CCDC175: variants seen among roughly 807,000 people sequenced by gnomAD.
CCDC175 encodes the protein coiled-coil domain-containing protein 175.
A neutral mutation model predicts 114.6 loss-of-function variants in CCDC175; 100 were observed. The observed-to-expected ratio is 0.87, with a 90% CI of 0.74 to 1.03. The LOEUF (loss-of-function observed/expected upper bound fraction) is 1.03. CCDC175 is among the 50% of genes least tolerant of loss of function. The pLI, the probability that CCDC175 is intolerant of heterozygous loss-of-function variation, is 0.00. For synonymous variants in CCDC175, 306 were observed against 308.7 expected (o/e 0.99, Z 0.09); for missense variants, 880 against 917.8 (o/e 0.96, Z 0.53).
intron 8 of CCDC175, among the ~76,000 whole-genome samples, chr14:59,549,948 G>A (rs1053023244): frequency 6.6e-6 from 1 of 151,478 alleles, no homozygotes; most frequent in Non-Finnish European, 1.5e-5. Context: ...CTCTTGCTCT[G>A]CCCCCAGGCT....
chr14:59,559,518 T>C (rs371892522), intron 7 of CCDC175, among the ~76,000 whole-genome samples: 27 of 152,192 alleles, frequency 1.8e-4, no homozygotes, highest in East Asian at 1.5e-3. Flanking sequence ...TGAAGGAAAA[T>C]GAAGGGTTAA....
intron 17 of CCDC175, among the ~76,000 whole-genome samples, chr14:59,513,180 G>A (rs369281528): frequency 2.3e-4 from 35 of 152,262 alleles, no homozygotes; most frequent in African/African-American, 8.4e-4. Flanking sequence ...GTTCACTTGA[G>A]GGGGGTGGAG....
At chr14:59,569,157 G>C (rs191145256) in intron 3 of CCDC175, among the ~76,000 whole-genome samples, 2 of 152,302 alleles carry the variant, frequency 1.3e-5, no homozygotes, top group Admixed American at 1.3e-4. Context: ...GTTTAGGAAG[G>C]TGCTGGACTA....
At chr14:59,533,690 G>A (rs1222090841) in intron 13 of CCDC175, among the ~76,000 whole-genome samples, 1 of 152,050 alleles carries the variant, frequency 6.6e-6, no homozygotes, top group Non-Finnish European at 1.5e-5. Flanking sequence ...AGCAGGTTGA[G>A]TTAAGAAACT....
chr14:59,536,777 T>C (rs950633013), intron 13 of CCDC175, among the ~76,000 whole-genome samples: 3 of 152,108 alleles, frequency 2.0e-5, no homozygotes, highest in African/African-American at 7.2e-5. Flanking sequence ...TGTTTGATCA[T>C]AGTATTTTGT....
At chr14:59,511,164 A>C (rs994537927) in intron 18 of CCDC175, among the ~76,000 whole-genome samples, 12 of 152,178 alleles carry the variant, frequency 7.9e-5, no homozygotes, top group Admixed American at 7.9e-4. Context: ...CTGGGTTGTA[A>C]ATTCCCATAC....
intron 3 of CCDC175, among the ~76,000 whole-genome samples, chr14:59,569,345 C>T (rs1956353): frequency 0.32 from 48,605 of 152,076 alleles, 8,273 homozygotes; most frequent in African/African-American, 0.44. Flanking sequence ...GCTTCTGATA[C>T]AGTGGGTCTA....
intron 17 of CCDC175, among the ~76,000 whole-genome samples, chr14:59,516,026 C>T (rs970998628): frequency 7.9e-5 from 12 of 152,172 alleles, no homozygotes; most frequent in African/African-American, 2.7e-4. Context: ...CTCAAAATCG[C>T]TCAACTACTT....
intron 17 of CCDC175, among the ~76,000 whole-genome samples, chr14:59,514,165 T>G (rs1036297308): frequency 6.6e-6 from 1 of 152,160 alleles, no homozygotes; most frequent in Admixed American, 6.5e-5. Flanking sequence ...ACCCCATCTG[T>G]ACGTCACCAT....
At chr14:59,559,116 A>G (rs1896086736) in intron 7 of CCDC175, among the ~76,000 whole-genome samples, 1 of 152,186 alleles carries the variant, frequency 6.6e-6, no homozygotes, top group African/African-American at 2.4e-5. Context: ...CGTTGGCGCA[A>G]AAAAGCAACT....
intron 12 of CCDC175, 93 bp downstream of exon 12, chr14:59,538,612 C>G: frequency 9.1e-7 from 1 of 1,098,832 alleles, no homozygotes. Context: ...AAGGAAAATA[C>G]TTTTTAATAA....
intron 8 of CCDC175, 130 bp from the exon 9 acceptor site, chr14:59,545,429 G>T: frequency 2.9e-6 from 2 of 681,066 alleles, no homozygotes; most frequent in Non-Finnish European, 4.7e-6. Context: ...CATAAATGCC[G>T]AGTGATTTAA....
chr14:59,553,750 A>C (rs1895685317), intron 7 of CCDC175, among the ~76,000 whole-genome samples: 1 of 152,232 alleles, frequency 6.6e-6, no homozygotes, highest in Non-Finnish European at 1.5e-5. Flanking sequence ...CATAGGCTCA[A>C]AATAAAGGAT....
chr14:59,563,732 C>A lies in CCDC175; in HGVS notation c.843+5G>T. On this transcript the variant is annotated splice_donor_5th_base_variant and intron_variant, in intron 6 of 19. Transcript: ENST00000537690. ...TAAAAATATATATAGTTTATTCTTT[C>A]TTACCGCTGCGGAAACAGTAACTGT... 1 of 1,395,794 alleles carries A rather than the reference C, an allele frequency of 7.2e-7. No homozygotes were observed. Among genetic ancestry groups the A allele is most frequent in the Non-Finnish European group, 9.3e-7 (1 of 1,077,082 alleles). 86.5% of individuals were successfully genotyped at this position (1,395,794 alleles called of 1,614,324 possible).
At chr14:59,518,275 T>C (rs1053110950) in intron 17 of CCDC175, among the ~76,000 whole-genome samples, 10 of 152,056 alleles carry the variant, frequency 6.6e-5, no homozygotes, top group Non-Finnish European at 1.5e-4. Flanking sequence ...GGACTTCATG[T>C]CTAAAACACC....
At chr14:59,569,020 G>C (rs937152053) in intron 3 of CCDC175, among the ~76,000 whole-genome samples, 5 of 152,236 alleles carry the variant, frequency 3.3e-5, no homozygotes, top group African/African-American at 9.6e-5. Context: ...CTTTTTGGGG[G>C]AACCCAATGT....
rs927056991 is a variant in CCDC175 at position 59,531,767 on chromosome 14, T to G, written c.1762+5A>C. On this transcript the variant is annotated splice_donor_5th_base_variant and intron_variant, in intron 14 of 19. Transcript: ENST00000537690. The stretch of plus-strand genomic sequence containing the variant: ...GAGTTTAATTACTAAATGCTTCATA[T>G]GTACCTGTAATAATATTACTGAGCT... 2 of 1,476,302 alleles carry G rather than the reference T, an allele frequency of 1.4e-6. No individual in the cohort carries two copies. Among genetic ancestry groups the G allele is most frequent in the Admixed American group, 2.4e-5 (1 of 41,222 alleles). The allele number at this position is 1,476,302 out of a possible 1,614,324, so 91.5% of individuals were successfully genotyped here.
intron 3 of CCDC175, among the ~76,000 whole-genome samples, chr14:59,569,170 C>T (rs1242896959): frequency 2.0e-5 from 3 of 152,208 alleles, no homozygotes; most frequent in Non-Finnish European, 1.5e-5. Flanking sequence ...CTGGACTACT[C>T]ATTTCTACAC....
At chr14:59,576,474 C>T in intron 1 of CCDC175, 145 bp downstream of exon 1, 2 of 752,028 alleles carry the variant, frequency 2.7e-6, no homozygotes, top group Non-Finnish European at 3.8e-6. Context: ...CTCTCCCCAG[C>T]CTCCAAGGAG....
Sources: allele counts gnomAD v4.1 joint callset (sites outside exome capture counted in the v4.1 genomes callset), GRCh38; gene constraint gnomAD v4.1.1; transcripts MANE v1.5; gene names NCBI Gene and HGNC (gene_info 2026-07-23, HGNC 2026-07-21).